ANXA6: variants seen among roughly 807,000 people sequenced by gnomAD.
ANXA6 encodes the protein annexin A6.
Under a neutral mutation model 95.4 loss-of-function variants are expected in ANXA6, and 71 were observed. The ratio of observed to expected loss-of-function variants is 0.74; its 90% CI spans 0.61 to 0.91. The LOEUF is 0.91. Ranked by LOEUF, ANXA6 falls within the 40% of genes least tolerant of loss-of-function variation. ANXA6 has a pLI of 0.00. For missense variants in ANXA6, 830 were observed against 876.4 expected (o/e 0.95, Z 0.67); for synonymous variants, 289 against 315.9 (o/e 0.91, Z 0.90).
intron 9 of ANXA6, 126 bp downstream of exon 9, chr5:151,132,968 T>G (rs1292941560): frequency 1.3e-6 from 1 of 768,830 alleles, no homozygotes; most frequent in Non-Finnish European, 2.1e-6. Context: ...AACTCAGGAC[T>G]AAAGTTTGGG....
At chr5:151,101,919 A>C (rs1764561769) in intron 25 of ANXA6, among the ~76,000 whole-genome samples, 1 of 152,240 alleles carries the variant, frequency 6.6e-6, no homozygotes, top group African/African-American at 2.4e-5. Flanking sequence ...GTCAGGAGGC[A>C]CAGTGAACTC....
chr5:151,132,852 C>T (rs1765555585), intron 9 of ANXA6, among the ~76,000 whole-genome samples: 2 of 151,598 alleles, frequency 1.3e-5, no homozygotes, highest in Non-Finnish European at 2.9e-5. Context: ...TGCTGAGGGA[C>T]TATACAAACT....
rs111645018 is a variant in ANXA6 at position 151,132,187 on chromosome 5, T to C, written c.736+289A>G. 8.7e-4 allele frequency among the ~76,000 whole-genome samples: 132 copies of C among 152,010 alleles called. 1 individual carries two copies. Among genetic ancestry groups the C allele is most frequent in the African/African-American group, 3.1e-3 (127 of 41,446 alleles). On this transcript the variant is annotated intron_variant, in intron 10 of 25. Coordinates refer to ENST00000354546, the MANE Select transcript of ANXA6 (RefSeq NM_001155.5). ...GCATGCACTAGATGCTCAACAAAAG[T>C]CAACTATTATGATCATCATTATCCT...
intron 23 of ANXA6, among the ~76,000 whole-genome samples, chr5:151,105,617 A>C (rs1764676033): frequency 6.6e-6 from 1 of 152,182 alleles, no homozygotes; most frequent in Admixed American, 6.5e-5. Flanking sequence ...TCAAATTTTT[A>C]AATGCATTGG....
chr5:151,135,958 T>C (rs959341), intron 7 of ANXA6, among the ~76,000 whole-genome samples: 89,513 of 151,966 alleles, frequency 0.59, 26,988 homozygotes, highest in African/African-American at 0.73. Context: ...CTCCACACAG[T>C]AGCCACAGGA....
chr5:151,117,625 G>A (rs1275598561), intron 19 of ANXA6, 133 bp downstream of exon 19: 2 of 763,416 alleles, frequency 2.6e-6, no homozygotes, highest in African/African-American at 1.7e-5. Context: ...ACTCTAAGGA[G>A]GCAAGTGGGG....
At chr5:151,150,432 G>A (rs1387308129) in intron 1 of ANXA6, among the ~76,000 whole-genome samples, 1 of 152,224 alleles carries the variant, frequency 6.6e-6, no homozygotes, top group Non-Finnish European at 1.5e-5. Context: ...CACAAGACCT[G>A]TTCTTAGTAA....
intron 7 of ANXA6, 83 bp downstream of exon 7, chr5:151,136,173 C>G (rs1254648015): frequency 7.4e-7 from 1 of 1,351,248 alleles, no homozygotes; most frequent in African/African-American, 1.6e-5. Context: ...CTGACCAGAC[C>G]CTGGACATTC....
chr5:151,133,822 C>T (rs1260783040), intron 8 of ANXA6, among the ~76,000 whole-genome samples: 1 of 152,164 alleles, frequency 6.6e-6, no homozygotes, highest in Non-Finnish European at 1.5e-5. Context: ...AGGCACAGTT[C>T]TATTTCCCTC....
chr5:151,121,539 C>A (rs1043299716), intron 17 of ANXA6, among the ~76,000 whole-genome samples: 2 of 152,180 alleles, frequency 1.3e-5, no homozygotes, highest in African/African-American at 4.8e-5. Context: ...CCTTGATTGA[C>A]CTGTCCTAGT....
intron 7 of ANXA6, among the ~76,000 whole-genome samples, chr5:151,135,084 G>A (rs1487310178): frequency 1.3e-5 from 2 of 152,124 alleles, no homozygotes; most frequent in African/African-American, 2.4e-5. Context: ...AAGGGAAGAG[G>A]GGCGAGCAGT....
chr5:151,138,515 T>C (rs1270758065), intron 5 of ANXA6, among the ~76,000 whole-genome samples, 163 bp downstream of exon 5: 1 of 152,192 alleles, frequency 6.6e-6, no homozygotes, highest in Non-Finnish European at 1.5e-5. Context: ...CATCTCTCTG[T>C]GTGCGGATCG....
chr5:151,138,684 G>A lies in ANXA6; in HGVS notation c.312C>T (p.Ala104=). The change falls in exon 5 of 26, where the codon GCC becomes GCT. Residue 104 remains alanine, a synonymous_variant. Coordinates refer to ENST00000354546, the MANE Select transcript of ANXA6 (RefSeq NM_001155.5). The part of the protein sequence containing the change: ...AYCDAKEIKD[A]ISGIGTDEKC... ...ATACACCCCCACTTCTTACCGAGATGGCATCTTTAATTTCTTTGGCATCAC... is the reference window on the plus strand; with the variant it reads ...ATACACCCCCACTTCTTACCGAGATAGCATCTTTAATTTCTTTGGCATCAC... 1 of 1,611,338 alleles carries A rather than the reference G, an allele frequency of 6.2e-7. No homozygotes were observed.
intron 22 of ANXA6, among the ~76,000 whole-genome samples, chr5:151,108,823 A>G (rs1316342807): frequency 2.0e-5 from 3 of 152,196 alleles, no homozygotes; most frequent in Non-Finnish European, 4.4e-5. Flanking sequence ...AAGTTCTGGG[A>G]ACCCAGGCTG....
Position 151,115,241 on chromosome 5 carries a change from C to T in ANXA6, c.1572+1886G>A, listed in dbSNP as rs185738594. Among the ~76,000 whole-genome samples, 405 of 152,282 alleles carry T rather than the reference C, an allele frequency of 2.7e-3. 1 individual carries two copies. The highest frequency in any genetic ancestry group is 4.0e-3 in the Non-Finnish European group (269 of 68,022). ...GAAGCAACTAGAATAATGTATGCCA[C>T]AATACTGACAATGCTTATTACTATT... On this transcript the variant is annotated intron_variant, in intron 20 of 25. Transcript: ENST00000354546.
At chr5:151,130,375 C>T (rs1389442398) in intron 11 of ANXA6, among the ~76,000 whole-genome samples, 2 of 152,080 alleles carry the variant, frequency 1.3e-5, no homozygotes, top group African/African-American at 2.4e-5. Flanking sequence ...CTCAGCCTCC[C>T]GAGTAGTTAG....
At chr5:151,128,412 G>A (rs1581999139) in intron 12 of ANXA6, 173 bp from the exon 13 acceptor site, 2 of 595,954 alleles carry the variant, frequency 3.4e-6, no homozygotes, top group East Asian at 5.6e-5. Context: ...CAGCGGGCAG[G>A]TTGGAGGAAG....
Position 151,126,430 on chromosome 5 carries a change from C to T in ANXA6, c.1028G>A (p.Trp343Ter), listed in dbSNP as rs750342021. The T allele has an allele frequency of 1.2e-6, 2 of 1,611,148 alleles. No homozygotes were observed. The highest frequency in any genetic ancestry group is 1.7e-6 in the Non-Finnish European group (2 of 1,178,738). ...PEAAQVAYQM[W>*]ELSAVARVEL... is the part of the protein sequence containing the mutation. Reference sequence around the variant, plus strand: ...TACTCGGGCCACTGCACTAAGTTCCCACATCTGATAGGCCACCTGCGCTGC... The same window carrying T: ...TACTCGGGCCACTGCACTAAGTTCCTACATCTGATAGGCCACCTGCGCTGC... Residue 343 changes from tryptophan (W) to a stop codon, truncating the protein, a stop_gained, in exon 14 of 26, where the codon TGG becomes TAG. Coordinates refer to ENST00000354546, the MANE Select transcript of ANXA6 (RefSeq NM_001155.5). LOFTEE classifies it high-confidence loss of function.
intron 2 of ANXA6, 29 bp from the exon 3 acceptor site, chr5:151,140,272 G>A (rs372050213): frequency 1.9e-5 from 30 of 1,598,236 alleles, no homozygotes; most frequent in African/African-American, 2.7e-5. Flanking sequence ...AGGGTGAGCT[G>A]CCAACCCCGG....
Sources: gnomAD v4.1 joint callset for allele counts (sites outside exome capture counted in the v4.1 genomes callset) on GRCh38, gnomAD v4.1.1 for gene constraint, MANE v1.5 for transcripts, NCBI Gene and HGNC (gene_info 2026-07-23, HGNC 2026-07-21) for gene names.